SYT10: variants seen among roughly 807,000 people sequenced by gnomAD.
SYT10 encodes the protein synaptotagmin 10.
A neutral mutation model predicts 51.1 loss-of-function variants in SYT10; 31 were observed. That is an observed-to-expected ratio of 0.61 (90% CI 0.46 to 0.82). SYT10 has a LOEUF of 0.82. Ranked by LOEUF, SYT10 falls within the 40% of genes least tolerant of loss-of-function variation. The pLI is 0.00. For synonymous variants in SYT10, 233 were observed against 225.9 expected, an observed-to-expected ratio of 1.03 and a Z score of -0.28; for missense variants, 603 against 634.0, an observed-to-expected ratio of 0.95 and a Z score of 0.53.
intron 3 of SYT10, among the ~76,000 whole-genome samples, chr12:33,397,030 T>C: frequency 6.6e-6 from 1 of 152,210 alleles, no homozygotes; most frequent in East Asian, 1.9e-4. Context: ...TAACTTTCTG[T>C]GGTTGAAGCC....
chr12:33,394,449 A>G (rs1390534905), intron 3 of SYT10, among the ~76,000 whole-genome samples: 3 of 152,230 alleles, frequency 2.0e-5, no homozygotes, highest in Non-Finnish European at 2.9e-5. Flanking sequence ...TAGGGCAAGA[A>G]CTTTAGGACA....
intron 2 of SYT10, among the ~76,000 whole-genome samples, chr12:33,412,981 T>C (rs1165034482): frequency 1.3e-5 from 2 of 151,950 alleles, no homozygotes; most frequent in Admixed American, 6.6e-5. Flanking sequence ...TGTATAGAAG[T>C]CCTTAAATGA....
At chr12:33,409,147 C>T (rs909519950) in intron 2 of SYT10, among the ~76,000 whole-genome samples, 1 of 152,136 alleles carries the variant, frequency 6.6e-6, no homozygotes, top group Non-Finnish European at 1.5e-5. Flanking sequence ...AGGTCTACAC[C>T]TGTTACAGCA....
At chr12:33,392,818 A>G (rs1483084303) in intron 3 of SYT10, among the ~76,000 whole-genome samples, 3 of 150,438 alleles carry the variant, frequency 2.0e-5, no homozygotes, top group Non-Finnish European at 3.0e-5. Context: ...TAATTACAAA[A>G]CCCCTCTGGG....
At chr12:33,429,876 C>T (rs543981619) in intron 1 of SYT10, among the ~76,000 whole-genome samples, 1 of 152,038 alleles carries the variant, frequency 6.6e-6, no homozygotes, top group African/African-American at 2.4e-5. Flanking sequence ...AGAAGATCAC[C>T]GGAGGAAGGT....
At chr12:33,385,561 A>G (rs933124584) in intron 3 of SYT10, among the ~76,000 whole-genome samples, 18 of 152,330 alleles carry the variant, frequency 1.2e-4, no homozygotes, top group African/African-American at 4.3e-4. Flanking sequence ...ATCATCTTCC[A>G]AAACTGATTC....
At position 33,400,143 on chromosome 12, in the gene SYT10, T is replaced by G. The variant is rs1866290098; in HGVS notation, c.1077+6646A>C. On this transcript the variant is annotated intron_variant, in intron 3 of 6. Coordinates refer to ENST00000228567, the MANE Select transcript of SYT10 (RefSeq NM_198992.4). Reference sequence around the variant, plus strand: ...AATAAAACTGGAATTTTGCCACTCTTTAAAATGTTATTAGCTGACACATAT... The same window carrying G: ...AATAAAACTGGAATTTTGCCACTCTGTAAAATGTTATTAGCTGACACATAT... Among the ~76,000 whole-genome samples the G allele has an allele frequency of 2.0e-5, 3 of 152,286 alleles. No homozygotes were observed. The South Asian group carries it at 6.2e-4, about 32-fold the overall frequency.
intron 2 of SYT10, among the ~76,000 whole-genome samples, chr12:33,416,032 G>A (rs1866450152): frequency 2.0e-5 from 3 of 152,086 alleles, no homozygotes; most frequent in Admixed American, 1.3e-4. Context: ...CAGCTTGCCA[G>A]TGAAGTAACA....
chr12:33,414,398 A>G (rs1409711952), intron 2 of SYT10, among the ~76,000 whole-genome samples: 3 of 152,202 alleles, frequency 2.0e-5, no homozygotes, highest in South Asian at 2.1e-4. Flanking sequence ...TCAGCACCAC[A>G]TTGCACTTAT....
At position 33,374,691 on chromosome 12, in the gene SYT10, G is replaced by A. The variant is rs1452031735; in HGVS notation, c.*2139C>T. The A allele has an allele frequency of 6.6e-6, 1 of 151,770 alleles. No homozygotes were observed. The highest frequency in any genetic ancestry group is 1.5e-5 in the Non-Finnish European group (1 of 67,856). The allele number at this position is 151,770 out of a possible 1,614,324, so 9.4% of individuals were successfully genotyped here. Reference sequence around the variant, plus strand: ...ATGATGAGTTTATTCTAACTTCAAGGAAACATTTAAAAAATTCTTTTAAAA... The same window carrying A: ...ATGATGAGTTTATTCTAACTTCAAGAAAACATTTAAAAAATTCTTTTAAAA... On this transcript the variant is annotated 3_prime_UTR_variant, in exon 7 of 7. Coordinates refer to ENST00000228567, the MANE Select transcript of SYT10 (RefSeq NM_198992.4).
At chr12:33,426,818 T>C (rs979598225) in intron 1 of SYT10, among the ~76,000 whole-genome samples, 3 of 152,192 alleles carry the variant, frequency 2.0e-5, no homozygotes, top group Middle Eastern at 3.2e-3. Flanking sequence ...CATGAAGCCA[T>C]GAGGCAAGAA....
intron 2 of SYT10, among the ~76,000 whole-genome samples, chr12:33,410,122 G>T (rs1348980630): frequency 6.6e-6 from 1 of 152,158 alleles, no homozygotes; most frequent in African/African-American, 2.4e-5. Context: ...CTCACTTGAG[G>T]CAGGAAACAT....
chr12:33,398,240 G>A (rs7314820), intron 3 of SYT10, among the ~76,000 whole-genome samples: 51,176 of 151,944 alleles, frequency 0.34, 9,531 homozygotes, highest in East Asian at 0.75. Context: ...CAGGCCGGGC[G>A]CGGTGGCTCA....
chr12:33,393,595 T>C (rs983674601), intron 3 of SYT10, among the ~76,000 whole-genome samples: 13 of 152,224 alleles, frequency 8.5e-5, no homozygotes, highest in Admixed American at 8.5e-4. Context: ...CTCCACGTAA[T>C]AGCCACAGAT....
intron 3 of SYT10, among the ~76,000 whole-genome samples, chr12:33,392,745 G>C (rs1314340706): frequency 2.0e-5 from 3 of 151,654 alleles, no homozygotes; most frequent in African/African-American, 7.3e-5. Context: ...CTAAATCCAG[G>C]TGAAGCATAG....
At chr12:33,430,194 G>T (rs1866585200) in intron 1 of SYT10, among the ~76,000 whole-genome samples, 1 of 152,196 alleles carries the variant, frequency 6.6e-6, no homozygotes, top group South Asian at 2.1e-4. Context: ...CTATATGTCT[G>T]TCGGTCTGTC....
chr12:33,418,177 C>A (rs1866471303), intron 2 of SYT10, among the ~76,000 whole-genome samples: 1 of 152,086 alleles, frequency 6.6e-6, no homozygotes, highest in Non-Finnish European at 1.5e-5. Flanking sequence ...CATTCACAAT[C>A]CTCATCCCAC....
intron 6 of SYT10, 62 bp from the exon 7 acceptor site, chr12:33,376,963 G>A: frequency 2.6e-6 from 4 of 1,534,574 alleles, no homozygotes; most frequent in Non-Finnish European, 3.6e-6. Context: ...GTGGTTAGTT[G>A]TTGCTCCCTT....
chr12:33,383,960 A>G (rs1368868299), intron 4 of SYT10, among the ~76,000 whole-genome samples: 3 of 152,216 alleles, frequency 2.0e-5, no homozygotes, highest in Non-Finnish European at 4.4e-5. Context: ...TACACTGTTT[A>G]TCTTAAATTC....
Sources: gnomAD v4.1 joint callset for allele counts (sites outside exome capture counted in the v4.1 genomes callset) on GRCh38, gnomAD v4.1.1 for gene constraint, MANE v1.5 for transcripts, NCBI Gene and HGNC (gene_info 2026-07-23, HGNC 2026-07-21) for gene names.